Variants in FRZB observed in about 807,000 individuals in gnomAD.
FRZB encodes the protein secreted frizzled-related protein 3.
A neutral mutation model predicts 32.5 loss-of-function variants in FRZB; 34 were observed. That is an observed-to-expected ratio of 1.05 (90% confidence interval 0.80 to 1.39). The LOEUF (loss-of-function observed/expected upper bound fraction) is 1.39. Ranked by LOEUF, FRZB falls within the 40% of genes most tolerant of loss-of-function variation. FRZB has a pLI of 0.00. For missense variants in FRZB, 423 were observed against 424.8 expected (o/e 1.00, Z 0.04); for synonymous variants, 170 against 159.2 (o/e 1.07, Z -0.51).
rs547962276 is a variant in FRZB, at chr2:182,858,410, G to T, written c.526+376C>A. Reference sequence around the variant, plus strand: ...TATATGGACAATCGAACCTCAAATAGAGAAAACTATAGTGATAAAGAAAAG... The same window carrying T: ...TATATGGACAATCGAACCTCAAATATAGAAAACTATAGTGATAAAGAAAAG... On this transcript the variant is annotated intron_variant, in intron 2 of 5. Transcript: ENST00000295113. 7.4e-4 allele frequency among the ~76,000 whole-genome samples: 112 copies of T among 152,258 alleles called. 1 individual carries two copies. The highest frequency in any genetic ancestry group is 2.2e-3 in the African/African-American group (91 of 41,558).
chr2:182,836,318 A>G (rs1271352774), intron 5 of FRZB, among the ~76,000 whole-genome samples: 1 of 152,072 alleles, frequency 6.6e-6, no homozygotes, highest in African/African-American at 2.4e-5. Context: ...ACATCTTCAA[A>G]TTGACTGGAA....
intron 2 of FRZB, among the ~76,000 whole-genome samples, chr2:182,843,346 T>G (rs1333201937): frequency 6.6e-6 from 1 of 152,152 alleles, no homozygotes; most frequent in Non-Finnish European, 1.5e-5. Context: ...AAGAGTAGAT[T>G]ATTATACCTT....
chr2:182,846,689 G>A (rs288246), intron 2 of FRZB, among the ~76,000 whole-genome samples: 148,796 of 152,236 alleles, frequency 0.98, 72,778 homozygotes, highest in Non-Finnish European at 1. Context: ...TAGGAGCAAA[G>A]CACAACACAT....
rs1254243547 is a variant in FRZB, at chr2:182,866,489, G to A, written c.64C>T (p.Leu22Phe). 1.3e-6 allele frequency: 2 copies of A among 1,540,394 alleles called. No homozygotes were observed. Among genetic ancestry groups the A allele is most frequent in the Admixed American group, 1.9e-5 (1 of 53,036 alleles). ...LRAGLLALAA[L>F]CLLRVPGARA... The stretch of plus-strand genomic sequence containing the variant: ...GCCCCGGGCACCCGGAGCAGGCAGA[G>A]AGCAGCCAGGGCAAGCAGCCCGGCC... The change falls in exon 1 of 6, where the codon CTC becomes TTC. Residue 22 changes from leucine to phenylalanine, a missense_variant. By Grantham distance (22) the Leu-to-Phe change is conservative. Coordinates refer to ENST00000295113, the MANE Select transcript of FRZB (RefSeq NM_001463.4). The surrounding 1 kb of genome is among the most constrained non-coding windows in gnomAD (Gnocchi z 4.5).
chr2:182,840,849 CA>C (rs1445433891), intron 3 of FRZB, among the ~76,000 whole-genome samples: 1 of 151,904 alleles, frequency 6.6e-6, no homozygotes, highest in African/African-American at 2.4e-5. Context: ...CAATTTTTAA[CA>C]AAAATAACAG....
At chr2:182,847,529 G>A (rs1345269871) in intron 2 of FRZB, among the ~76,000 whole-genome samples, 1 of 152,212 alleles carries the variant, frequency 6.6e-6, no homozygotes, top group Non-Finnish European at 1.5e-5. Flanking sequence ...TGGACCCTGA[G>A]CAAAAGAGAG....
chr2:182,847,085 G>C (rs916335471), intron 2 of FRZB, among the ~76,000 whole-genome samples: 2 of 152,174 alleles, frequency 1.3e-5, no homozygotes, highest in Non-Finnish European at 2.9e-5. Context: ...TAGGACACAT[G>C]ATGGGCACTA....
intron 2 of FRZB, among the ~76,000 whole-genome samples, chr2:182,842,823 C>T (rs1272314326): frequency 6.6e-6 from 1 of 152,186 alleles, no homozygotes; most frequent in East Asian, 1.9e-4. Flanking sequence ...ATGAGAAGAG[C>T]ATGACCCCTT....
chr2:182,856,091 A>G (rs1028200101), intron 2 of FRZB, among the ~76,000 whole-genome samples: 3 of 152,096 alleles, frequency 2.0e-5, no homozygotes, highest in Non-Finnish European at 2.9e-5. Flanking sequence ...TAAAGGAAAA[A>G]AGAAGTTTTT....
intron 1 of FRZB, among the ~76,000 whole-genome samples, 188 bp downstream of exon 1, chr2:182,865,887 G>A (rs1396306998): frequency 6.6e-6 from 1 of 152,180 alleles, no homozygotes; most frequent in Non-Finnish European, 1.5e-5. Flanking sequence ...GTGATAAGGT[G>A]AGGGTTTTTT....
intron 2 of FRZB, among the ~76,000 whole-genome samples, chr2:182,847,061 C>G (rs1411157919): frequency 6.6e-6 from 1 of 152,134 alleles, no homozygotes; most frequent in East Asian, 1.9e-4. Context: ...ATTCCAGGCT[C>G]TGTGATAGGC....
chr2:182,854,903 G>A (rs919732654), intron 2 of FRZB, among the ~76,000 whole-genome samples: 1 of 152,198 alleles, frequency 6.6e-6, no homozygotes, highest in Admixed American at 6.5e-5. Context: ...AGATAAAGGA[G>A]CCTGGGAAAG....
At chr2:182,838,280 C>A (rs1376388107) in intron 4 of FRZB, 129 bp downstream of exon 4, 5 of 807,986 alleles carry the variant, frequency 6.2e-6, no homozygotes, top group Admixed American at 2.7e-5. Flanking sequence ...CCAACTAAAA[C>A]TTATCTGTAA....
In FRZB at chr2:182,866,281, A is replaced by G. The variant is rs777182199; in HGVS notation, c.272T>C (p.Met91Thr). ...GTCAATGGTGCAGATGGGCGCGTAC[A>G]TGGCACAGAGGAAGAAGAGCAGATC... ...SPDLLFFLCAMYAPICTIDFQ... is the reference protein window; with the variant it reads ...SPDLLFFLCATYAPICTIDFQ... Residue 91 changes from methionine (M) to threonine (T), a missense_variant, in exon 1 of 6, where the codon ATG becomes ACG. Transcript: ENST00000295113. This position sits in a 1 kb window ranked among gnomAD's most constrained non-coding sequence, Gnocchi z 4.5. 7 of 1,614,104 alleles carry G rather than the reference A, an allele frequency of 4.3e-6. No homozygotes were observed. The highest frequency in any genetic ancestry group is 5.1e-6 in the Non-Finnish European group (6 of 1,180,050).
At chr2:182,837,193 T>C (rs1435579229) in intron 5 of FRZB, among the ~76,000 whole-genome samples, 1 of 150,554 alleles carries the variant, frequency 6.6e-6, no homozygotes, top group Admixed American at 6.7e-5. Flanking sequence ...AAACCTTCTA[T>C]AATACAGTAC....
intron 2 of FRZB, among the ~76,000 whole-genome samples, chr2:182,853,051 C>A (rs1438159294): frequency 2.0e-5 from 3 of 152,144 alleles, no homozygotes; most frequent in Non-Finnish European, 4.4e-5. Flanking sequence ...TTACATTTCT[C>A]CAAAGCATAA....
chr2:182,843,761 G>A lies in FRZB; in HGVS notation c.527-1218C>T, dbSNP rs139074433. 2.4e-3 allele frequency among the ~76,000 whole-genome samples: 369 copies of A among 152,110 alleles called. 1 individual carries two copies. Among genetic ancestry groups the A allele is most frequent in the African/African-American group, 8.4e-3 (347 of 41,510 alleles). ...AGTCTGGGCAATGTGGCAAAACCCC[G>A]TCTCTACAAAAAATGCAAAAATCAG... On this transcript the variant is annotated intron_variant, in intron 2 of 5. Transcript: ENST00000295113.
rs1695487121 is a variant in FRZB at position 182,833,403 on chromosome 2, C to T, written c.*1446G>A. 1.3e-5 allele frequency: 2 copies of T among 152,082 alleles called. No individual in the cohort carries two copies. The highest frequency in any genetic ancestry group is 1.3e-4 in the Admixed American group (2 of 15,256). 9.4% of individuals were successfully genotyped at this position (152,082 alleles called of 1,614,324 possible). On this transcript the variant is annotated 3_prime_UTR_variant, in exon 6 of 6. Coordinates refer to ENST00000295113, the MANE Select transcript of FRZB (RefSeq NM_001463.4). The stretch of plus-strand genomic sequence containing the variant: ...TGGCACAGGCTCTAAGGAACTCTGC[C>T]AGAGGAAGGAAGTACAGATGCTCCG...
chr2:182,845,950 G>A (rs1466911776), intron 2 of FRZB, among the ~76,000 whole-genome samples: 4 of 152,140 alleles, frequency 2.6e-5, no homozygotes, highest in Admixed American at 6.5e-5. Flanking sequence ...CCAGTACTTC[G>A]CAGAAGTTAG....
Sources: allele counts gnomAD v4.1 joint callset (sites outside exome capture counted in the v4.1 genomes callset), GRCh38; gene constraint gnomAD v4.1.1; non-coding constraint Gnocchi (gnomAD v3.1); transcripts MANE v1.5; gene names NCBI Gene and HGNC (gene_info 2026-07-23, HGNC 2026-07-21).